The following GRIN2B variants were observed in gnomAD, a reference collection of about 807,000 sequenced individuals.
GRIN2B encodes the protein glutamate ionotropic receptor NMDA type subunit 2B.
A neutral mutation model predicts 114.5 loss-of-function variants in GRIN2B; 5 were observed. That is an observed-to-expected ratio of 0.04 (90% CI 0.02 to 0.09). The LOEUF (loss-of-function observed/expected upper bound fraction) is 0.09, where lower values mean the gene tolerates loss of function less well. Ranked by LOEUF, GRIN2B falls within the 10% of genes least tolerant of loss-of-function variation. The pLI, the probability that GRIN2B is intolerant of heterozygous loss-of-function variation, is 1.00. For missense variants in GRIN2B, 1,108 were observed against 1,943.5 expected (o/e 0.57, Z 8.08); for synonymous variants, 787 against 745.1 (o/e 1.06, Z -0.92).
At chr12:13,635,113 C>T (rs770428316) in intron 5 of GRIN2B, among the ~76,000 whole-genome samples, 6 of 152,120 alleles carry the variant, frequency 3.9e-5, no homozygotes, top group Non-Finnish European at 5.9e-5. Context: ...GGTGCCTGGG[C>T]CAACAGAGGG....
chr12:13,654,330 T>C (rs1949843448), intron 5 of GRIN2B, among the ~76,000 whole-genome samples: 1 of 152,096 alleles, frequency 6.6e-6, no homozygotes, highest in Non-Finnish European at 1.5e-5. Flanking sequence ...TAGGAAAATA[T>C]TTGAAAATGT....
At chr12:13,577,699 A>G (rs1331297942) in intron 10 of GRIN2B, among the ~76,000 whole-genome samples, 1 of 152,234 alleles carries the variant, frequency 6.6e-6, no homozygotes, top group Non-Finnish European at 1.5e-5. Flanking sequence ...TATAAGTTAC[A>G]TTATCTCCTT....
chr12:13,833,269 C>A (rs1865186598), intron 3 of GRIN2B, among the ~76,000 whole-genome samples: 2 of 152,316 alleles, frequency 1.3e-5, no homozygotes, highest in Admixed American at 1.3e-4. Context: ...CAATTTCAAT[C>A]CTTCCACTCA....
At position 13,753,613 on chromosome 12, in the gene GRIN2B, G is replaced by T; in HGVS notation, c.714C>A (p.Thr238=). The T allele has an allele frequency of 6.2e-7, 1 of 1,614,176 alleles. No individual in the cohort carries two copies. Among genetic ancestry groups the T allele is most frequent in the South Asian group, 1.1e-5 (1 of 91,078 alleles). Residue 238 remains threonine (T), a synonymous_variant, in exon 4 of 14, where the codon ACC becomes ACA. Transcript: ENST00000609686. This position sits in a 1 kb window ranked among gnomAD's most constrained non-coding sequence, Gnocchi z 6.2. ...CTGAGTTGGCCACTTCAAAGATGTAGGTGGCTTCTTCCTTGGTACAGTAAA... is the reference window on the plus strand; with the variant it reads ...CTGAGTTGGCCACTTCAAAGATGTATGTGGCTTCTTCCTTGGTACAGTAAA... The part of the protein sequence containing the change: ...ILLYCTKEEA[T]YIFEVANSVG...
intron 3 of GRIN2B, among the ~76,000 whole-genome samples, chr12:13,782,804 C>T (rs1864143249): frequency 6.6e-6 from 1 of 152,188 alleles, no homozygotes; most frequent in African/African-American, 2.4e-5. Flanking sequence ...CCTCATCTTA[C>T]CTCTGCACCA....
chr12:13,901,407 TAAAG>T (rs764644484), intron 2 of GRIN2B, among the ~76,000 whole-genome samples: 1 of 152,128 alleles, frequency 6.6e-6, no homozygotes, highest in East Asian at 1.9e-4. Flanking sequence ...GAATATAACT[TAAAG>T]AAACTACCCT....
At chr12:13,566,209 G>C (rs927303837) in intron 13 of GRIN2B, among the ~76,000 whole-genome samples, 1 of 152,154 alleles carries the variant, frequency 6.6e-6, no homozygotes, top group Admixed American at 6.5e-5. Flanking sequence ...AATTTAACGA[G>C]AAATCAATTT....
At chr12:13,872,033 G>A (rs1018407058) in intron 2 of GRIN2B, among the ~76,000 whole-genome samples, 1 of 151,984 alleles carries the variant, frequency 6.6e-6, no homozygotes, top group Non-Finnish European at 1.5e-5. Context: ...AGCAAAAGTG[G>A]TACAGATGGT....
intron 2 of GRIN2B, among the ~76,000 whole-genome samples, chr12:13,903,196 A>G (rs2136789664): frequency 6.6e-6 from 1 of 152,258 alleles, no homozygotes. Context: ...TTTACGTTTC[A>G]TGAATACTTT....
intron 4 of GRIN2B, among the ~76,000 whole-genome samples, chr12:13,741,346 C>T (rs1347552122): frequency 6.6e-6 from 1 of 152,046 alleles, no homozygotes; most frequent in African/African-American, 2.4e-5. Flanking sequence ...CTCTTTATTA[C>T]CAAACCACCC....
intron 2 of GRIN2B, among the ~76,000 whole-genome samples, chr12:13,937,474 G>T (rs1040983312): frequency 7.6e-5 from 11 of 144,422 alleles, no homozygotes; most frequent in African/African-American, 2.8e-4. Flanking sequence ...GAAGACAATG[G>T]AATAATATCT....
In GRIN2B at chr12:13,583,841, A is replaced by T. The variant is rs147711189; in HGVS notation, c.2011-11877T>A. Among the ~76,000 whole-genome samples, 20 of 152,170 alleles carry T rather than the reference A, an allele frequency of 1.3e-4. No individual in the cohort carries two copies. The East Asian group carries it at 3.5e-3, about 27-fold the overall frequency. On this transcript the variant is annotated intron_variant, in intron 10 of 13. Coordinates refer to ENST00000609686, the MANE Select transcript of GRIN2B (RefSeq NM_000834.5). ...AGATAGAAACCATCCCATGGAGCAC[A>T]CCGAATGGTCAGACTGAGGAAGGAC... is the stretch of plus-strand genomic sequence containing the variant.
chr12:13,683,527 C>T (rs1404929035), intron 4 of GRIN2B: 3 of 152,742 alleles, frequency 2.0e-5, no homozygotes, highest in Non-Finnish European at 2.9e-5. Context: ...TGTTGTGTTT[C>T]GATATATATA....
chr12:13,664,549 C>T, intron 5 of GRIN2B, among the ~76,000 whole-genome samples: 1 of 152,084 alleles, frequency 6.6e-6, no homozygotes, highest in East Asian at 1.9e-4. Context: ...CAAAAAAATA[C>T]TCATCCCTTC....
At chr12:13,751,100 A>T (rs957124541) in intron 4 of GRIN2B, among the ~76,000 whole-genome samples, 2 of 152,160 alleles carry the variant, frequency 1.3e-5, no homozygotes, top group African/African-American at 4.8e-5. Flanking sequence ...AGTTTAAGAC[A>T]GAGAGAGGAA....
Position 13,564,694 on chromosome 12 carries a change from CA to C in GRIN2B, c.2599-56del. On this transcript the variant is annotated intron_variant, in intron 13 of 13. Coordinates refer to ENST00000609686, the MANE Select transcript of GRIN2B (RefSeq NM_000834.5). This position sits in a 1 kb window ranked among gnomAD's most constrained non-coding sequence, Gnocchi z 4.8. Reference sequence around the variant, plus strand: ...TCTCCAGAGAGGCTAGAAATGACCACAAAAAACACTCTCCCACCAATAATTG... The same window carrying C: ...TCTCCAGAGAGGCTAGAAATGACCACAAAAACACTCTCCCACCAATAATTG... The C allele has an allele frequency of 1.4e-6, 2 of 1,465,712 alleles. No individual in the cohort carries two copies. The highest frequency in any genetic ancestry group is 2.3e-5 in the East Asian group (1 of 44,194). The allele number at this position is 1,465,712 out of a possible 1,614,324, so 90.8% of individuals were successfully genotyped here. A position where few individuals can be genotyped will look rare whatever the true frequency, so the allele number is the denominator to read the frequency against.
At chr12:13,897,838 A>G (rs1488258888) in intron 2 of GRIN2B, among the ~76,000 whole-genome samples, 2 of 152,046 alleles carry the variant, frequency 1.3e-5, no homozygotes, top group African/African-American at 2.4e-5. Flanking sequence ...TGGGAAAGTC[A>G]TAATAATTGA....
chr12:13,954,817 A>AAAAAAAAAAAAAAAAAAAAC lies in GRIN2B; in HGVS notation c.-19+25110_-19+25111insGTTTTTTTTTTTTTTTTTTT, dbSNP rs1565599362. Among the ~76,000 whole-genome samples, 10 of 146,636 alleles carry AAAAAAAAAAAAAAAAAAAAC rather than the reference A, an allele frequency of 6.8e-5. 1 individual carries two copies. Among genetic ancestry groups the AAAAAAAAAAAAAAAAAAAAC allele is most frequent in the African/African-American group, 2.0e-4 (8 of 40,354 alleles). On this transcript the variant is annotated intron_variant, in intron 2 of 13. Transcript: ENST00000609686. The stretch of plus-strand genomic sequence containing the variant: ...GAGTGAGACTCCGTCTCAGGAAAAA[A>AAAAAAAAAAAAAAAAAAAAC]AAAAAAAAAAAACTTTTTCTTCTTT...
intron 3 of GRIN2B, among the ~76,000 whole-genome samples, chr12:13,840,454 C>T (rs1242894849): frequency 6.6e-6 from 1 of 152,122 alleles, no homozygotes; most frequent in Non-Finnish European, 1.5e-5. Context: ...ATCCTGGCTG[C>T]CCCTCTTACC....
Sources: allele counts gnomAD v4.1 joint callset (sites outside exome capture counted in the v4.1 genomes callset), GRCh38; gene constraint gnomAD v4.1.1; non-coding constraint Gnocchi (gnomAD v3.1); transcripts MANE v1.5; gene names NCBI Gene and HGNC (gene_info 2026-07-23, HGNC 2026-07-21).